The following GPHN variants were observed in gnomAD, a reference collection of about 807,000 sequenced individuals.
GPHN encodes the protein gephyrin.
A neutral mutation model predicts 95.5 loss-of-function variants in GPHN; 17 were observed. The observed-to-expected ratio is 0.18, with a 90% confidence interval of 0.12 to 0.27. GPHN has a LOEUF of 0.27. Ranked by LOEUF, GPHN falls within the 10% of genes least tolerant of loss-of-function variation. The probability of loss-of-function intolerance (pLI) is 1.00; values close to 1 mark genes in which losing one functional copy is unlikely to be tolerated. For missense variants in GPHN, 660 were observed against 978.1 expected (o/e 0.67, Z 4.34); for synonymous variants, 320 against 322.5 (o/e 0.99, Z 0.08).
At chr14:66,810,494 G>T (rs1050238760) in intron 3 of GPHN, among the ~76,000 whole-genome samples, 6 of 151,850 alleles carry the variant, frequency 4.0e-5, no homozygotes, top group Non-Finnish European at 7.4e-5. Flanking sequence ...GACATTATGT[G>T]TGAAACTTTG....
chr14:67,312,821 T>A, the GPHN span: 1 of 907,106 alleles, frequency 1.1e-6, no homozygotes, highest in Non-Finnish European at 1.5e-6. Context: ...AGTATTCCAG[T>A]TACTTTTTCG....
chr14:67,494,456 C>G, the GPHN span, among the ~76,000 whole-genome samples: 1 of 152,202 alleles, frequency 6.6e-6, no homozygotes, highest in African/African-American at 2.4e-5. Flanking sequence ...GTTCTGTGCT[C>G]TATCAGAGAA....
At chr14:66,746,788 A>G (rs74630455) in intron 2 of GPHN, among the ~76,000 whole-genome samples, 1 of 152,078 alleles carries the variant, frequency 6.6e-6, no homozygotes, top group East Asian at 1.9e-4. Flanking sequence ...GAAGACAGGG[A>G]CATAGGGAAA....
chr14:67,463,431 A>G, the GPHN span, among the ~76,000 whole-genome samples: 1 of 152,074 alleles, frequency 6.6e-6, no homozygotes, highest in African/African-American at 2.4e-5. Flanking sequence ...CAAGGTCAGG[A>G]GATCGAGACC....
chr14:67,269,801 T>C, the GPHN span: 1 of 152,628 alleles, frequency 6.6e-6, no homozygotes, highest in African/African-American at 2.4e-5. Flanking sequence ...CTTTTCACTT[T>C]TCTTGGCTTG....
chr14:66,584,673 T>C lies in GPHN; in HGVS notation c.64+76082T>C, dbSNP rs537391813. 1.1e-4 allele frequency among the ~76,000 whole-genome samples: 17 copies of C among 152,334 alleles called. No homozygotes were observed. In the East Asian group the frequency reaches 3.1e-3, roughly 28 times the overall value. On this transcript the variant is annotated intron_variant, in intron 1 of 22. Transcript: ENST00000478722. ...TGTGGTTTTCGTCTTTGGTTTTGTTTATATGCTGGATTACATTTATTGATT... is the reference window on the plus strand; with the variant it reads ...TGTGGTTTTCGTCTTTGGTTTTGTTCATATGCTGGATTACATTTATTGATT...
At chr14:66,848,072 G>C (rs1033130008) in intron 4 of GPHN, among the ~76,000 whole-genome samples, 1 of 151,964 alleles carries the variant, frequency 6.6e-6, no homozygotes, top group Non-Finnish European at 1.5e-5. Context: ...TAGATATTTG[G>C]AATTTTTCAA....
chr14:67,291,659 G>C, the GPHN span, among the ~76,000 whole-genome samples: 1 of 152,158 alleles, frequency 6.6e-6, no homozygotes, highest in East Asian at 1.9e-4. Flanking sequence ...CTAACAGGCA[G>C]ACACAATGCA....
At chr14:66,755,081 T>G (rs1364837611) in intron 2 of GPHN, among the ~76,000 whole-genome samples, 1 of 152,010 alleles carries the variant, frequency 6.6e-6, no homozygotes. Flanking sequence ...CTAATAAATC[T>G]TTGTCTCTGA....
chr14:67,569,233 G>A, the GPHN span: 345 of 1,577,858 alleles, frequency 2.2e-4, no homozygotes, highest in Middle Eastern at 3.3e-4. Flanking sequence ...TCCAAGTGAG[G>A]CTTGGAGGCA....
the GPHN span, among the ~76,000 whole-genome samples, chr14:67,421,995 A>G: frequency 2.0e-5 from 3 of 152,168 alleles, no homozygotes; most frequent in African/African-American, 7.2e-5. Context: ...GAATGTTGCA[A>G]TGTTTTGACA....
intron 7 of GPHN, 74 bp downstream of exon 7, chr14:66,923,012 C>T (rs1489952562): frequency 4.0e-6 from 5 of 1,259,014 alleles, no homozygotes; most frequent in African/African-American, 1.5e-5. Context: ...TGTTTTGCAT[C>T]GCATCCCTCC....
the GPHN span, chr14:67,589,585 T>C: frequency 3.0e-6 from 3 of 985,800 alleles, no homozygotes; most frequent in South Asian, 9.4e-5. Context: ...AAATAAGCCC[T>C]GTACAGAACA....
intron 1 of GPHN, among the ~76,000 whole-genome samples, chr14:66,635,669 G>GA (rs1230865958): frequency 3.3e-5 from 5 of 152,164 alleles, no homozygotes; most frequent in Admixed American, 3.3e-4. Context: ...AAACAACGAC[G>GA]AAAAAGCAAA....
At chr14:67,670,570 T>C in the GPHN span, among the ~76,000 whole-genome samples, 1 of 152,040 alleles carries the variant, frequency 6.6e-6, no homozygotes. Context: ...TTGTTACCTT[T>C]TTTTTTTTCT....
chr14:67,664,303 A>G, the GPHN span, among the ~76,000 whole-genome samples: 1 of 152,186 alleles, frequency 6.6e-6, no homozygotes, highest in Non-Finnish European at 1.5e-5. Context: ...CCATTCTATG[A>G]ATTTCACTAC....
chr14:66,914,709 T>G (rs1015277287), intron 5 of GPHN, among the ~76,000 whole-genome samples: 2 of 152,068 alleles, frequency 1.3e-5, no homozygotes, highest in Non-Finnish European at 2.9e-5. Flanking sequence ...TAGATTTGCT[T>G]ACATGAAAAT....
rs549818757 is a variant in GPHN, at chr14:67,168,873, A to C, written c.1976-60A>C. 9.4e-6 allele frequency: 10 copies of C among 1,066,086 alleles called. No individual in the cohort carries two copies. The South Asian group carries it at 1.3e-4, about 13-fold the overall frequency. 66.0% of individuals were successfully genotyped at this position (1,066,086 alleles called of 1,614,324 possible). On this transcript the variant is annotated intron_variant, in intron 20 of 22. Coordinates refer to ENST00000478722, the MANE Select transcript of GPHN (RefSeq NM_020806.5). ...CTGATACCCAAAGATATAGACAGACATAATTATTTGGCAAATTGTTACACA... is the reference window on the plus strand; with the variant it reads ...CTGATACCCAAAGATATAGACAGACCTAATTATTTGGCAAATTGTTACACA...
At chr14:67,559,589 G>T in the GPHN span, 2 of 1,536,152 alleles carry the variant, frequency 1.3e-6, no homozygotes, top group African/African-American at 1.4e-5. Context: ...ATTAACGGAA[G>T]GCCCTCTCTT....
Sources: allele counts gnomAD v4.1 joint callset (sites outside exome capture counted in the v4.1 genomes callset), GRCh38; gene constraint gnomAD v4.1.1; transcripts MANE v1.5; gene names NCBI Gene and HGNC (gene_info 2026-07-23, HGNC 2026-07-21).